Variants in HUWE1 observed in about 807,000 individuals in gnomAD.
The protein encoded by HUWE1 is HECT, UBA and WWE domain containing E3 ubiquitin protein ligase 1, also known as E3 ubiquitin-protein ligase HUWE1.
A neutral mutation model predicts 299.4 loss-of-function variants in HUWE1; 18 were observed. The observed-to-expected ratio is 0.06, with a 90% CI of 0.04 to 0.09. HUWE1 has a LOEUF of 0.09. Among genes scored for constraint, HUWE1 ranks in the 10% least tolerant of loss-of-function variants. The pLI is 1.00. For missense variants in HUWE1, 1,832 were observed against 3,462.3 expected, an observed-to-expected ratio of 0.53 and a Z score of 11.82; for synonymous variants, 1,317 against 1,286.1, an observed-to-expected ratio of 1.02 and a Z score of -0.51.
chrX:53,590,263 A>T (rs2064088248), intron 35 of HUWE1, 141 bp downstream of exon 35: 2 of 535,140 alleles, frequency 3.7e-6, no homozygotes, highest in Admixed American at 2.5e-5. Context: ...AATGGATGGC[A>T]AAGCTGGGAT....
In HUWE1 at chrX:53,590,884, C is replaced by T. The variant is rs1424143662; in HGVS notation, c.4095+116G>A. 12 of 915,827 alleles carry T rather than the reference C, an allele frequency of 1.3e-5. No individual in the cohort carries two copies. In the East Asian group the frequency reaches 3.8e-4, roughly 29 times the overall value. The allele number at this position is 915,827 out of a possible 1,213,427, so 75.5% of individuals were successfully genotyped here. On this transcript the variant is annotated intron_variant, in intron 34 of 83. Coordinates refer to ENST00000262854, the MANE Select transcript of HUWE1 (RefSeq NM_031407.7). ...AAAGAAAATACTGGCATGGACATGT[C>T]TGAAAATGAGAAGCAGTTTATAGAA... is the stretch of plus-strand genomic sequence containing the variant.
At chrX:53,618,565 CTTTTTTTTTT>C (rs1158947305) in intron 19 of HUWE1, among the ~76,000 whole-genome samples, 1 of 88,885 alleles carries the variant, frequency 1.1e-5, no homozygotes, top group African/African-American at 4.1e-5. Context: ...TAAGAATTTT[CTTTTTTTTTT>C]TTTTTTTTAG....
intron 9 of HUWE1, chrX:53,631,847 A>G (rs949797937): frequency 4.9e-5 from 20 of 408,903 alleles, no homozygotes; most frequent in Non-Finnish European, 7.6e-5. Context: ...TATAATGCAC[A>G]TAGCCAGGCA....
At chrX:53,652,227 T>C (rs1557040613) in intron 4 of HUWE1, among the ~76,000 whole-genome samples, 1 of 112,219 alleles carries the variant, frequency 8.9e-6, no homozygotes, top group African/African-American at 3.2e-5. Context: ...TTTTTTCCTT[T>C]GTTTTAATGC....
intron 3 of HUWE1, among the ~76,000 whole-genome samples, chrX:53,659,440 A>T (rs1337018603): frequency 8.9e-6 from 1 of 112,175 alleles, no homozygotes; most frequent in Non-Finnish European, 1.9e-5. Flanking sequence ...AGAAATCAGT[A>T]CAAAAAGGCT....
chrX:53,556,167 A>T, intron 60 of HUWE1: 3 of 342,508 alleles, frequency 8.8e-6, no homozygotes, highest in Non-Finnish European at 1.8e-5. Context: ...AGTCCAAATT[A>T]TCCAAGGAAC....
intron 7 of HUWE1, among the ~76,000 whole-genome samples, chrX:53,639,257 T>C (rs1356608833): frequency 1.8e-5 from 2 of 112,042 alleles, no homozygotes; most frequent in African/African-American, 6.5e-5. Context: ...TCATTACTGA[T>C]CAGTGAAGTG....
At chrX:53,543,789 G>C (rs1924114351) in intron 73 of HUWE1, 52 bp downstream of exon 73, 1 of 1,207,561 alleles carries the variant, frequency 8.3e-7, no homozygotes, top group Admixed American at 2.2e-5. Flanking sequence ...TGACATGGTG[G>C]GGGGATGAGT....
intron 39 of HUWE1, among the ~76,000 whole-genome samples, chrX:53,585,900 G>A (rs2063834453): frequency 9.0e-6 from 1 of 111,195 alleles, no homozygotes. Flanking sequence ...TGTTGCCCAA[G>A]CTGGTCTTGA....
intron 31 of HUWE1, among the ~76,000 whole-genome samples, 154 bp downstream of exon 31, chrX:53,594,345 G>A (rs868935894): frequency 8.9e-6 from 1 of 111,915 alleles, no homozygotes; most frequent in Admixed American, 9.4e-5. Context: ...GACAAACATG[G>A]TTACTTCCCA....
chrX:53,586,520 G>C lies in HUWE1; in HGVS notation c.4794C>G (p.Ile1598Met). The C allele has an allele frequency of 8.3e-7, 1 of 1,206,511 alleles. No individual in the cohort carries two copies. The highest frequency in any genetic ancestry group is 1.1e-6 in the Non-Finnish European group (1 of 891,040). The change falls in exon 39 of 84, where the codon ATC becomes ATG. Residue 1598 changes from isoleucine to methionine, a missense_variant. Ile to Met is a conservative substitution (Grantham distance 10). This residue lies in a region of HUWE1 where 658 missense variants were observed against 1,282.6 expected (regional missense o/e 0.51). Transcript: ENST00000262854. ...TCATCTGGGCTCTCCTTTTTGAGGAGATGGCTGTCTTTTCATAGAAATCAA... is the reference window on the plus strand; with the variant it reads ...TCATCTGGGCTCTCCTTTTTGAGGACATGGCTGTCTTTTCATAGAAATCAA... The part of the protein sequence containing the change: ...LLIDFYEKTA[I>M]SSKRRAQMTK...
chrX:53,546,446 A>G lies in HUWE1; in HGVS notation c.10905T>C (p.Cys3635=), dbSNP rs1352782185. 1.7e-6 allele frequency: 2 copies of G among 1,210,167 alleles called. No individual in the cohort carries two copies. Among genetic ancestry groups the G allele is most frequent in the Non-Finnish European group, 2.2e-6 (2 of 894,481 alleles). The change falls in exon 70 of 84, where the codon TGT becomes TGC. Residue 3635 remains cysteine (C), a synonymous_variant. Coordinates refer to ENST00000262854, the MANE Select transcript of HUWE1 (RefSeq NM_031407.7). ...TACTTCTGCTATTACCTATTTGTTT[A>G]CAAAGGGTATAACCCAGATGGCGGG... ...NGARHLGYTL[C]KQIGTLLAEL... is the part of the protein sequence containing the mutation.
At chrX:53,588,169 T>C (rs1216656168) in intron 37 of HUWE1, among the ~76,000 whole-genome samples, 1 of 111,766 alleles carries the variant, frequency 8.9e-6, no homozygotes, top group African/African-American at 3.3e-5. Flanking sequence ...GCATATGACT[T>C]TCCTAAACCC....
chrX:53,591,551 C>T (rs1569477128), intron 33 of HUWE1, among the ~76,000 whole-genome samples: 1 of 111,592 alleles, frequency 9.0e-6, no homozygotes, highest in Non-Finnish European at 1.9e-5. Context: ...AGGATTGGTA[C>T]GTAAGGAAAC....
intron 30 of HUWE1, among the ~76,000 whole-genome samples, chrX:53,594,860 G>A (rs1278704215): frequency 2.7e-5 from 3 of 111,733 alleles, no homozygotes; most frequent in Non-Finnish European, 5.6e-5. Context: ...GATTAGAGAT[G>A]CTCAACTGAT....
rs782437141 is a variant in HUWE1 at position 53,628,485 on chromosome X, T to C, written c.1242+8A>G. ...AGTTTAAAAAAAAAAAAAAAAAAAG[T>C]ACAGCACCTTCAATAAGGCTTCCAT... On this transcript the variant is annotated splice_region_variant and intron_variant, in intron 15 of 83. Transcript: ENST00000262854. The C allele has an allele frequency of 1.8e-6, 2 of 1,118,333 alleles. No homozygotes were observed. Among genetic ancestry groups the C allele is most frequent in the South Asian group, 2.1e-5 (1 of 47,763 alleles). The allele number at this position is 1,118,333 out of a possible 1,213,427, so 92.2% of individuals were successfully genotyped here. A position where few individuals can be genotyped will look rare whatever the true frequency, so the allele number is the denominator to read the frequency against.
At chrX:53,628,420 C>T (rs2066663266) in intron 15 of HUWE1, 73 bp downstream of exon 15, 5 of 1,056,267 alleles carry the variant, frequency 4.7e-6, no homozygotes, top group African/African-American at 2.0e-5. Flanking sequence ...TGAAACACCC[C>T]AAACTTGCAT....
chrX:53,671,657 G>C lies in HUWE1; in HGVS notation c.-25+8392C>G, dbSNP rs2069538368. On this transcript the variant is annotated intron_variant, in intron 3 of 83. Transcript: ENST00000262854. Reference sequence around the variant, plus strand: ...TACAAAAAAAAATTAGCCGGGCGAGGTGGCAGGCACCTGTAGTCCCAGCTA... The same window carrying C: ...TACAAAAAAAAATTAGCCGGGCGAGCTGGCAGGCACCTGTAGTCCCAGCTA... Among the ~76,000 whole-genome samples the C allele has an allele frequency of 5.4e-5, 6 of 110,289 alleles. No individual in the cohort carries two copies. In the Admixed American group the frequency reaches 5.8e-4, roughly 11 times the overall value.
In HUWE1 at chrX:53,584,239, G is replaced by T; in HGVS notation, c.5108C>A (p.Thr1703Lys). ...KNSNGQELEK[T>K]LEESKEMDIK... ...ATCCATTTCTTTGCTTTCTTCCAGC[G>T]TCTTCTCTAGTTCCTGTCCATTGCT... Residue 1703 changes from threonine to lysine, a missense_variant, in exon 41 of 84, where the codon ACG becomes AAG. Thr to Lys is a moderately conservative substitution (Grantham distance 78). Around this residue, in one of 15 missense-constraint regions of HUWE1, gnomAD observed 46 missense variants for 42.6 expected, o/e 1.08. Transcript: ENST00000262854. 1 of 1,205,749 alleles carries T rather than the reference G, an allele frequency of 8.3e-7. No individual in the cohort carries two copies. The highest frequency in any genetic ancestry group is 1.1e-6 in the Non-Finnish European group (1 of 890,458).
Sources: allele counts gnomAD v4.1 joint callset (sites outside exome capture counted in the v4.1 genomes callset), GRCh38; gene constraint gnomAD v4.1.1; regional missense constraint gnomAD v4.1.1; transcripts MANE v1.5; gene names NCBI Gene and HGNC (gene_info 2026-07-23, HGNC 2026-07-21).